The following CSNK2A2IP variants were observed in gnomAD, a reference collection of about 807,000 sequenced individuals.
CSNK2A2IP encodes the protein casein kinase 2 subunit alpha' interacting protein.
chr3:88,425,577 C>T, the CSNK2A2IP span, among the ~76,000 whole-genome samples: 7 of 151,988 alleles, frequency 4.6e-5, no homozygotes, highest in Admixed American at 3.3e-4. Flanking sequence ...AAGAAAATAT[C>T]TTTGCTCTGC....
At chr3:88,409,260 T>G in the CSNK2A2IP span, among the ~76,000 whole-genome samples, 1 of 151,860 alleles carries the variant, frequency 6.6e-6, no homozygotes, top group Non-Finnish European at 1.5e-5. Flanking sequence ...TCTATTTCCG[T>G]TTTTGCTTCT....
chr3:88,350,665 G>A, the CSNK2A2IP span, among the ~76,000 whole-genome samples: 3 of 149,916 alleles, frequency 2.0e-5, no homozygotes, highest in Admixed American at 6.7e-5. Context: ...AAGCGTATCA[G>A]ACTATCCTTC....
chr3:88,460,889 A>T, the CSNK2A2IP span, among the ~76,000 whole-genome samples: 1 of 151,932 alleles, frequency 6.6e-6, no homozygotes, highest in Non-Finnish European at 1.5e-5. Context: ...GGAGTTCAAG[A>T]CCAACCTGAC....
At chr3:88,346,163 A>G in the CSNK2A2IP span, among the ~76,000 whole-genome samples, 1 of 152,138 alleles carries the variant, frequency 6.6e-6, no homozygotes, top group African/African-American at 2.4e-5. Context: ...GGAAGAGGTG[A>G]GGAAGCTGCA....
At chr3:88,413,773 A>C in the CSNK2A2IP span, among the ~76,000 whole-genome samples, 1 of 151,982 alleles carries the variant, frequency 6.6e-6, no homozygotes, top group Admixed American at 6.6e-5. Context: ...ATTTTTATGT[A>C]TATGTGGCAT....
At chr3:88,402,124 A>G in the CSNK2A2IP span, among the ~76,000 whole-genome samples, 1 of 151,896 alleles carries the variant, frequency 6.6e-6, no homozygotes, top group African/African-American at 2.4e-5. Flanking sequence ...TTGGCAAGCT[A>G]CATCACATTC....
chr3:88,459,731 TA>T, the CSNK2A2IP span, among the ~76,000 whole-genome samples: 2 of 152,120 alleles, frequency 1.3e-5, no homozygotes, highest in Non-Finnish European at 2.9e-5. Context: ...TTTTTCTTAG[TA>T]GTTTACAGAG....
chr3:88,356,186 T>A, the CSNK2A2IP span, among the ~76,000 whole-genome samples: 2 of 152,236 alleles, frequency 1.3e-5, no homozygotes, highest in Admixed American at 6.5e-5. Flanking sequence ...CACTAGAACT[T>A]ATTTCGTCTA....
At chr3:88,451,067 T>C in the CSNK2A2IP span, among the ~76,000 whole-genome samples, 4 of 152,146 alleles carry the variant, frequency 2.6e-5, no homozygotes, top group Non-Finnish European at 5.9e-5. Flanking sequence ...GGGTGTTATA[T>C]CAAAGAAGGT....
At chr3:88,430,181 G>C in the CSNK2A2IP span, among the ~76,000 whole-genome samples, 1 of 151,944 alleles carries the variant, frequency 6.6e-6, no homozygotes, top group African/African-American at 2.4e-5. Context: ...AAGGATGGAG[G>C]GACTCCTCAC....
At chr3:88,389,849 G>A in the CSNK2A2IP span, among the ~76,000 whole-genome samples, 1 of 151,160 alleles carries the variant, frequency 6.6e-6, no homozygotes, top group Admixed American at 6.6e-5. Flanking sequence ...TTTAATTGGG[G>A]AGGCATTTTT....
the CSNK2A2IP span, among the ~76,000 whole-genome samples, chr3:88,448,096 G>A: frequency 6.6e-6 from 1 of 152,174 alleles, no homozygotes; most frequent in African/African-American, 2.4e-5. Flanking sequence ...TAAGGAACCT[G>A]GTGGAGGGCA....
the CSNK2A2IP span, among the ~76,000 whole-genome samples, chr3:88,357,191 T>C: frequency 6.6e-6 from 1 of 152,152 alleles, no homozygotes; most frequent in Non-Finnish European, 1.5e-5. Context: ...CTCAGCTGAA[T>C]GTGCTGGAAT....
the CSNK2A2IP span, among the ~76,000 whole-genome samples, chr3:88,415,945 A>C: frequency 6.6e-6 from 1 of 151,988 alleles, no homozygotes. Flanking sequence ...AAGAAGCCAA[A>C]GTTAGCCTCT....
chr3:88,389,789 G>GC, the CSNK2A2IP span, among the ~76,000 whole-genome samples: 1 of 151,526 alleles, frequency 6.6e-6, no homozygotes, highest in Non-Finnish European at 1.5e-5. Context: ...ACATTGGAGT[G>GC]CATGGTGGTG....
chr3:88,341,684 T>C, the CSNK2A2IP span, among the ~76,000 whole-genome samples: 24 of 152,102 alleles, frequency 1.6e-4, no homozygotes, highest in African/African-American at 5.8e-4. Context: ...GATTTGGCTT[T>C]AGATGACCTT....
At chr3:88,339,317 C>A in the CSNK2A2IP span, among the ~76,000 whole-genome samples, 1 of 151,936 alleles carries the variant, frequency 6.6e-6, no homozygotes, top group East Asian at 1.9e-4. Flanking sequence ...CTGTGCCTGA[C>A]TAATTTCACT....
the CSNK2A2IP span, among the ~76,000 whole-genome samples, chr3:88,366,267 G>C: frequency 6.6e-6 from 1 of 152,088 alleles, no homozygotes; most frequent in Non-Finnish European, 1.5e-5. Context: ...GCACAGGAGT[G>C]ACAAGGCAAC....
the CSNK2A2IP span, among the ~76,000 whole-genome samples, chr3:88,379,294 A>G: frequency 6.6e-6 from 1 of 152,056 alleles, no homozygotes; most frequent in African/African-American, 2.4e-5. Context: ...GTTTCAGAAT[A>G]AACGCCTTGT....
Sources: allele counts gnomAD v4.1 joint callset (sites outside exome capture counted in the v4.1 genomes callset), GRCh38; gene constraint gnomAD v4.1.1; transcripts MANE v1.5; gene names NCBI Gene and HGNC (gene_info 2026-07-23, HGNC 2026-07-21).